The following ADAMTS17 variants were observed in gnomAD, a reference collection of about 807,000 sequenced individuals.
The protein encoded by ADAMTS17 is ADAM metallopeptidase with thrombospondin type 1 motif 17.
Under a neutral mutation model 141.5 loss-of-function variants are expected in ADAMTS17, and 113 were observed. The ratio of observed to expected loss-of-function variants is 0.80; its 90% CI spans 0.69 to 0.93. The LOEUF (loss-of-function observed/expected upper bound fraction) is 0.93. ADAMTS17 is among the 40% of genes least tolerant of loss of function. The probability of loss-of-function intolerance (pLI) is 0.00; values close to 1 mark genes in which losing one functional copy is unlikely to be tolerated. For missense variants in ADAMTS17, 1,659 were observed against 1,517.9 expected, an observed-to-expected ratio of 1.09 and a Z score of -1.54; for synonymous variants, 768 against 630.6, an observed-to-expected ratio of 1.22 and a Z score of -3.27.
chr15:100,237,590 T>C (rs1011995343), intron 7 of ADAMTS17, among the ~76,000 whole-genome samples: 1 of 152,184 alleles, frequency 6.6e-6, no homozygotes. Context: ...GCTGTCTCAA[T>C]ACACAAGTAG....
chr15:100,300,343 G>A (rs955903599), intron 3 of ADAMTS17, among the ~76,000 whole-genome samples: 34 of 152,140 alleles, frequency 2.2e-4, no homozygotes, highest in African/African-American at 8.2e-4. Flanking sequence ...TCATCAGAAT[G>A]GCATTCTTTC....
Position 100,281,416 on chromosome 15 carries a change from A to C in ADAMTS17, c.617-15T>G, listed in dbSNP as rs545504761. ...CTTCTTCTTTTCTAGAAAATGATGG[A>C]AACATTTGTGCGGTCCTTGGCTTAC... is the stretch of plus-strand genomic sequence containing the variant. On this transcript the variant is annotated splice_polypyrimidine_tract_variant and intron_variant, in intron 3 of 21. Transcript: ENST00000268070. The C allele has an allele frequency of 1.9e-6, 3 of 1,610,874 alleles. No individual in the cohort carries two copies. Among genetic ancestry groups the C allele is most frequent in the South Asian group, 1.1e-5 (1 of 90,840 alleles).
At chr15:100,272,019 G>C (rs898959556) in intron 4 of ADAMTS17, among the ~76,000 whole-genome samples, 9 of 102,370 alleles carry the variant, frequency 8.8e-5, no homozygotes, top group South Asian at 3.6e-4. Context: ...AAAATTATTT[G>C]ACCATATATA....
chr15:100,131,900 T>C, intron 12 of ADAMTS17, 107 bp downstream of exon 12: 1 of 1,555,606 alleles, frequency 6.4e-7, no homozygotes, highest in Non-Finnish European at 8.8e-7. Context: ...TTCCATATCT[T>C]CTAATGCTCA....
chr15:100,125,745 C>T (rs2037699420), intron 12 of ADAMTS17, among the ~76,000 whole-genome samples: 4 of 152,122 alleles, frequency 2.6e-5, no homozygotes, highest in South Asian at 2.1e-4. Context: ...CCTAGGGAGT[C>T]GCTTTGGAAA....
chr15:100,064,985 T>TA (rs557589055), intron 15 of ADAMTS17, among the ~76,000 whole-genome samples: 177 of 152,298 alleles, frequency 1.2e-3, no homozygotes, highest in African/African-American at 4.2e-3. Flanking sequence ...AGCGGAGCTG[T>TA]AAAAAATTAG....
chr15:100,119,047 C>CAT (rs918175029), intron 12 of ADAMTS17, among the ~76,000 whole-genome samples: 1 of 151,800 alleles, frequency 6.6e-6, no homozygotes, highest in Non-Finnish European at 1.5e-5. Context: ...TGGAGATACA[C>CAT]ACACACACAC....
chr15:100,316,546 C>T (rs910885360), intron 3 of ADAMTS17, among the ~76,000 whole-genome samples: 1 of 152,176 alleles, frequency 6.6e-6, no homozygotes, highest in African/African-American at 2.4e-5. Context: ...GTGGATTTTC[C>T]TCTGCCCTGT....
intron 3 of ADAMTS17, among the ~76,000 whole-genome samples, chr15:100,300,415 G>A (rs925024798): frequency 2.0e-5 from 3 of 152,180 alleles, no homozygotes; most frequent in East Asian, 1.9e-4. Flanking sequence ...CCCAGAAAAT[G>A]CAGTCACCTG....
chr15:100,084,889 G>A (rs764508147), intron 15 of ADAMTS17, among the ~76,000 whole-genome samples: 5 of 152,132 alleles, frequency 3.3e-5, no homozygotes, highest in African/African-American at 1.2e-4. Context: ...CACCAACATG[G>A]GGAAAAAACA....
chr15:100,324,720 T>C lies in ADAMTS17; in HGVS notation c.616+6169A>G, dbSNP rs1157650328. Reference sequence around the variant, plus strand: ...CTTAGTGCTCTGCAGGCCCTCTCTCTCCCTGACTTAATACAGAAAAAGGGC... The same window carrying C: ...CTTAGTGCTCTGCAGGCCCTCTCTCCCCCTGACTTAATACAGAAAAAGGGC... On this transcript the variant is annotated intron_variant, in intron 3 of 21. Coordinates refer to ENST00000268070, the MANE Select transcript of ADAMTS17 (RefSeq NM_139057.4). 4.6e-5 allele frequency among the ~76,000 whole-genome samples: 7 copies of C among 152,186 alleles called. No individual in the cohort carries two copies. In the South Asian group the frequency reaches 1.0e-3, roughly 22 times the overall value.
Position 100,341,958 on chromosome 15 carries a change from G to C in ADAMTS17, c.-59C>G, listed in dbSNP as rs954724296. 6.5e-7 allele frequency: 1 copy of C among 1,540,458 alleles called. No homozygotes were observed. The highest frequency in any genetic ancestry group is 8.8e-7 in the Non-Finnish European group (1 of 1,140,982). On this transcript the variant is annotated 5_prime_UTR_variant, in exon 1 of 22. Transcript: ENST00000268070. The stretch of plus-strand genomic sequence containing the variant: ...GCGGCGAAGCAGGAGCGCGCTAGGC[G>C]GCGGCGCCAGCCGGAGTGAAGCCCT...
At chr15:100,117,056 C>T in intron 12 of ADAMTS17, 43 bp from the exon 13 acceptor site, 1 of 1,559,606 alleles carries the variant, frequency 6.4e-7, no homozygotes, top group Non-Finnish European at 8.7e-7. Flanking sequence ...GTGGTGCGAC[C>T]AAAGGGCAGG....
At chr15:100,261,207 G>T (rs2043504197) in intron 6 of ADAMTS17, among the ~76,000 whole-genome samples, 1 of 152,300 alleles carries the variant, frequency 6.6e-6, no homozygotes, top group South Asian at 2.1e-4. Flanking sequence ...TATAGGAAGA[G>T]GGAAGTCTGG....
In ADAMTS17 at chr15:100,105,427, C is replaced by T. The variant is rs2036355798; in HGVS notation, c.2016+3562G>A. 2.6e-5 allele frequency among the ~76,000 whole-genome samples: 4 copies of T among 152,330 alleles called. No homozygotes were observed. The South Asian group carries it at 8.3e-4, about 32-fold the overall frequency. ...CAATGGTGGAGGCACTGGAAATAGA[C>T]AGGCTGGTCCTGGGGATGGAGTGAC... On this transcript the variant is annotated intron_variant, in intron 14 of 21. Transcript: ENST00000268070.
In ADAMTS17 at chr15:100,130,733, T is replaced by C. The variant is rs372455072; in HGVS notation, c.1721+1274A>G. ...GGACTTAATTGTGGAGATTTCTTTA[T>C]AGTCACTATTTAGAACTTGCTCGTT... On this transcript the variant is annotated intron_variant, in intron 12 of 21. Coordinates refer to ENST00000268070, the MANE Select transcript of ADAMTS17 (RefSeq NM_139057.4). Among the ~76,000 whole-genome samples, 5 of 152,332 alleles carry C rather than the reference T, an allele frequency of 3.3e-5. No homozygotes were observed. The East Asian group carries it at 7.7e-4, about 23-fold the overall frequency.
intron 4 of ADAMTS17, among the ~76,000 whole-genome samples, chr15:100,279,982 G>A (rs763483943): frequency 5.3e-5 from 8 of 151,984 alleles, no homozygotes; most frequent in Non-Finnish European, 1.0e-4. Context: ...CTCCCAGGTC[G>A]TTGCCCCATC....
intron 20 of ADAMTS17, among the ~76,000 whole-genome samples, chr15:99,983,220 C>A (rs143550986): frequency 6.6e-6 from 1 of 152,168 alleles, no homozygotes; most frequent in African/African-American, 2.4e-5. Context: ...ACCGGGCTTA[C>A]GTACGAGCTT....
chr15:100,039,621 C>T lies in ADAMTS17; in HGVS notation c.2591+9236G>A, dbSNP rs575451820. On this transcript the variant is annotated intron_variant, in intron 18 of 21. Transcript: ENST00000268070. ...CCAGAAAACATACCTAGTATTATTT[C>T]TATTGTTTTGTGCTTGTTAGATTTA... Among the ~76,000 whole-genome samples, 9 of 152,218 alleles carry T rather than the reference C, an allele frequency of 5.9e-5. No homozygotes were observed. The South Asian group carries it at 1.9e-3, about 32-fold the overall frequency.
Sources: allele counts gnomAD v4.1 joint callset (sites outside exome capture counted in the v4.1 genomes callset), GRCh38; gene constraint gnomAD v4.1.1; transcripts MANE v1.5; gene names NCBI Gene and HGNC (gene_info 2026-07-23, HGNC 2026-07-21).